FOXP2: variants seen among roughly 807,000 people sequenced by gnomAD.
FOXP2 encodes the protein forkhead box protein P2.
Under a neutral mutation model 115.8 loss-of-function variants are expected in FOXP2, and 12 were observed. That is an observed-to-expected ratio of 0.10 (90% CI 0.07 to 0.17). The LOEUF is 0.17. Among genes scored for constraint, FOXP2 ranks in the 10% least tolerant of loss-of-function variants. FOXP2 has a pLI of 1.00. For synonymous variants in FOXP2, 328 were observed against 297.7 expected (o/e 1.10, Z -1.05); for missense variants, 629 against 843.5 (o/e 0.75, Z 3.15).
intron 1 of FOXP2, among the ~76,000 whole-genome samples, chr7:114,150,333 T>G (rs1792498970): frequency 6.6e-6 from 1 of 152,056 alleles, no homozygotes; most frequent in Non-Finnish European, 1.5e-5. Flanking sequence ...ATTAAAAAGT[T>G]TGTGAAGCAT....
At chr7:114,674,047 A>G (rs1170973351) in intron 16 of FOXP2, among the ~76,000 whole-genome samples, 2 of 152,262 alleles carry the variant, frequency 1.3e-5, no homozygotes, top group South Asian at 2.1e-4. Flanking sequence ...CCACCATGGA[A>G]TCAGATCTCT....
chr7:114,379,238 T>C (rs967550125), intron 2 of FOXP2, among the ~76,000 whole-genome samples: 2 of 152,208 alleles, frequency 1.3e-5, no homozygotes, highest in African/African-American at 2.4e-5. Context: ...AGGCAATAGA[T>C]GATTGGCTAT....
At position 114,343,026 on chromosome 7, in the gene FOXP2, A is replaced by G. The variant is rs1192765693; in HGVS notation, c.-11+54917A>G. Reference sequence around the variant, plus strand: ...ATTTATAAAGCAGTAACTTTACTGTACTTTTCTCCTTATCCCTACACCATA... The same window carrying G: ...ATTTATAAAGCAGTAACTTTACTGTGCTTTTCTCCTTATCCCTACACCATA... On this transcript the variant is annotated intron_variant, in intron 2 of 17. Coordinates refer to the FOXP2 transcript ENST00000634411. 3.3e-5 allele frequency among the ~76,000 whole-genome samples: 5 copies of G among 151,702 alleles called. No homozygotes were observed. In the East Asian group the frequency reaches 9.7e-4, roughly 29 times the overall value.
At chr7:114,545,063 C>T (rs1294215527) in intron 3 of FOXP2, among the ~76,000 whole-genome samples, 1 of 152,142 alleles carries the variant, frequency 6.6e-6, no homozygotes, top group Non-Finnish European at 1.5e-5. Context: ...ATATTTAAAA[C>T]TCTCCAGGAG....
chr7:114,520,317 T>C (rs1301188706), intron 2 of FOXP2, among the ~76,000 whole-genome samples: 1 of 152,142 alleles, frequency 6.6e-6, no homozygotes, highest in East Asian at 1.9e-4. Context: ...TATTTTGATC[T>C]ACCATATTTT....
intron 2 of FOXP2, among the ~76,000 whole-genome samples, chr7:114,354,145 G>C (rs553963390): frequency 1.3e-5 from 2 of 152,216 alleles, no homozygotes; most frequent in East Asian, 3.9e-4. Flanking sequence ...ATTCCTGTTT[G>C]AGACATCTAT....
At chr7:114,549,926 T>A (rs1283124436) in intron 3 of FOXP2, among the ~76,000 whole-genome samples, 2 of 152,144 alleles carry the variant, frequency 1.3e-5, no homozygotes, top group Non-Finnish European at 2.9e-5. Flanking sequence ...CCTGTTTTTA[T>A]CAGTTTTTCT....
At chr7:114,653,522 C>A (rs568878424) in intron 9 of FOXP2, 14 of 308,850 alleles carry the variant, frequency 4.5e-5, no homozygotes, top group South Asian at 2.5e-4. Context: ...GTAGACAATC[C>A]TGGCAGGCAC....
chr7:114,492,482 T>A (rs1471756072), intron 2 of FOXP2, among the ~76,000 whole-genome samples: 1 of 152,196 alleles, frequency 6.6e-6, no homozygotes, highest in Non-Finnish European at 1.5e-5. Context: ...CTTGCTTCTC[T>A]AGTTCTTTTA....
intron 3 of FOXP2, among the ~76,000 whole-genome samples, chr7:114,549,404 G>A (rs886215452): frequency 6.6e-6 from 1 of 152,122 alleles, no homozygotes; most frequent in Non-Finnish European, 1.5e-5. Context: ...GGAATTCTTG[G>A]TTTGGGGGAA....
intron 1 of FOXP2, among the ~76,000 whole-genome samples, chr7:114,247,617 C>T (rs570773076): frequency 1.3e-5 from 2 of 152,108 alleles, no homozygotes; most frequent in Non-Finnish European, 2.9e-5. Flanking sequence ...GAATGGCAGT[C>T]TTATGTCCAC....
At chr7:114,544,149 C>G (rs1300871368) in intron 3 of FOXP2, among the ~76,000 whole-genome samples, 1 of 152,094 alleles carries the variant, frequency 6.6e-6, no homozygotes, top group Non-Finnish European at 1.5e-5. Context: ...GCCACAGCAC[C>G]CAGCCTCTAG....
intron 2 of FOXP2, among the ~76,000 whole-genome samples, chr7:114,407,388 A>G (rs999361562): frequency 1.3e-5 from 2 of 152,070 alleles, no homozygotes; most frequent in Non-Finnish European, 2.9e-5. Flanking sequence ...ACTGAAATGT[A>G]GCAAGTGGTT....
At chr7:114,381,318 T>C (rs183207114) in intron 2 of FOXP2, among the ~76,000 whole-genome samples, 1 of 152,288 alleles carries the variant, frequency 6.6e-6, no homozygotes, top group East Asian at 1.9e-4. Context: ...CCACAGGTAG[T>C]GAAGAAACTT....
intron 1 of FOXP2, among the ~76,000 whole-genome samples, chr7:114,254,953 C>T (rs930420501): frequency 3.3e-5 from 5 of 152,282 alleles, no homozygotes; most frequent in Admixed American, 6.5e-5. Flanking sequence ...ATGATGGTGA[C>T]GTACAGATGA....
At chr7:114,368,928 T>G (rs1791942360) in intron 2 of FOXP2, among the ~76,000 whole-genome samples, 1 of 152,206 alleles carries the variant, frequency 6.6e-6, no homozygotes, top group Non-Finnish European at 1.5e-5. Flanking sequence ...TGCTTACAAA[T>G]TTGTCATTTT....
At chr7:114,401,695 C>A (rs1197706792) in intron 2 of FOXP2, among the ~76,000 whole-genome samples, 1 of 152,136 alleles carries the variant, frequency 6.6e-6, no homozygotes, top group African/African-American at 2.4e-5. Context: ...TCACCCATGG[C>A]TAAAGACACA....
At chr7:114,588,340 A>G (rs994661795) in intron 3 of FOXP2, among the ~76,000 whole-genome samples, 40 of 152,050 alleles carry the variant, frequency 2.6e-4, no homozygotes, top group Non-Finnish European at 5.4e-4. Flanking sequence ...CAAAAAACAA[A>G]CAAACAAAAA....
At chr7:114,464,447 C>T (rs1245733945) in intron 2 of FOXP2, among the ~76,000 whole-genome samples, 2 of 152,108 alleles carry the variant, frequency 1.3e-5, no homozygotes, top group Admixed American at 6.5e-5. Context: ...AAGAAAAAAA[C>T]GTGTTGTAGG....
Sources: gnomAD v4.1 joint callset for allele counts (sites outside exome capture counted in the v4.1 genomes callset) on GRCh38, gnomAD v4.1.1 for gene constraint, MANE v1.5 for transcripts, NCBI Gene and HGNC (gene_info 2026-07-23, HGNC 2026-07-21) for gene names.